Variants in ZC3H4 observed in about 807,000 individuals in gnomAD.
ZC3H4 encodes zinc finger CCCH-type containing 4, also known as zinc finger CCCH domain-containing protein 4.
Under a neutral mutation model 108.3 loss-of-function variants are expected in ZC3H4, and 13 were observed. The observed-to-expected ratio is 0.12, with a 90% CI of 0.08 to 0.19. The LOEUF (loss-of-function observed/expected upper bound fraction) is 0.19, where lower values mean the gene tolerates loss of function less well. Ranked by LOEUF, ZC3H4 falls within the 10% of genes least tolerant of loss-of-function variation. The probability of loss-of-function intolerance (pLI) is 1.00; values close to 1 mark genes in which losing one functional copy is unlikely to be tolerated. For synonymous variants in ZC3H4, 917 were observed against 749.6 expected (o/e 1.22, Z -3.65); for missense variants, 1,734 against 1,838.8 (o/e 0.94, Z 1.04).
chr19:47,093,981 G>C lies in ZC3H4; in HGVS notation c.481C>G (p.Pro161Ala). 1.9e-6 allele frequency: 3 copies of C among 1,613,312 alleles called. No homozygotes were observed. The highest frequency in any genetic ancestry group is 2.5e-6 in the Non-Finnish European group (3 of 1,179,368). ...TGCCAGTCACTCACCGGCGCATATG[G>C]GGGGCTGTACTCTCTGTACTTGCGG... ...GHRKYREYSP[P>A]YAPSHQQYPP... The change falls in exon 4 of 15, where the codon CCA becomes GCA. Residue 161 changes from proline to alanine, a missense_variant. By Grantham distance (27) the Pro-to-Ala change is conservative. Around this residue, in one of 9 missense-constraint regions of ZC3H4, gnomAD observed 403 missense variants for 457.0 expected, o/e 0.88. Coordinates refer to ENST00000253048, the MANE Select transcript of ZC3H4 (RefSeq NM_015168.2).
chr19:47,098,447 A>G (rs149718691), intron 2 of ZC3H4, among the ~76,000 whole-genome samples: 1,757 of 141,278 alleles, frequency 0.012, 42 homozygotes, highest in African/African-American at 0.044. Context: ...AGATTGTGCC[A>G]TTGCACTCCA....
intron 11 of ZC3H4, among the ~76,000 whole-genome samples, chr19:47,079,380 C>CT (rs546892078): frequency 3.2e-3 from 429 of 134,918 alleles, no homozygotes; most frequent in South Asian, 0.011. Context: ...TTTCTTTTTA[C>CT]TTTTTTTTTT....
Position 47,067,517 on chromosome 19 carries a change from C to T in ZC3H4, c.2751G>A (p.Gly917=), listed in dbSNP as rs765874365. The T allele has an allele frequency of 7.5e-6, 12 of 1,593,680 alleles. No homozygotes were observed. Among genetic ancestry groups the T allele is most frequent in the Middle Eastern group, 1.7e-4 (1 of 5,962 alleles). ...SSPVGPSSSK[G]SGPPPTEEEE... ...CCTCCTCCGTTGGGGGCGGCCCAGACCCCTTGGAACTGCTGGGGCCCACAG... is the reference window on the plus strand; with the variant it reads ...CCTCCTCCGTTGGGGGCGGCCCAGATCCCTTGGAACTGCTGGGGCCCACAG... Residue 917 remains glycine, a synonymous_variant, in exon 15 of 15, where the codon GGG becomes GGA. Transcript: ENST00000253048. The surrounding 1 kb of genome is among the most constrained non-coding windows in gnomAD (Gnocchi z 6.4).
In ZC3H4 at chr19:47,086,506, G is replaced by T; in HGVS notation, c.748C>A (p.Arg250=). The T allele has an allele frequency of 6.2e-7, 1 of 1,604,568 alleles. No individual in the cohort carries two copies. The change falls in exon 6 of 15, where the codon CGA becomes AGA. Residue 250 remains arginine, a synonymous_variant. Transcript: ENST00000253048. ...SRGRGRGYRG[R]GSRGGSRGRG... ...CCTCGCGATCCTCCACGGCTTCCTCGGCCCCTGTAGCCCCGGCCCCGGCCT... is the reference window on the plus strand; with the variant it reads ...CCTCGCGATCCTCCACGGCTTCCTCTGCCCCTGTAGCCCCGGCCCCGGCCT...
In ZC3H4 at chr19:47,084,421, T is replaced by C. The variant is rs1297810898; in HGVS notation, c.1142A>G (p.His381Arg). Residue 381 changes from histidine to arginine, a missense_variant, in exon 9 of 15, where the codon CAT (histidine) becomes CGT (arginine). Physicochemically the swap from His to Arg is conservative, Grantham distance 29 (BLOSUM62 0). Around this residue, in one of 9 missense-constraint regions of ZC3H4, gnomAD observed 403 missense variants for 457.0 expected, o/e 0.88. Coordinates refer to ENST00000253048, the MANE Select transcript of ZC3H4 (RefSeq NM_015168.2). ...GTCCGACTGCTGGTGGGGCTTGTCA[T>C]GGTCACGACTCCGGTAGCTTCCACC... is the stretch of plus-strand genomic sequence containing the variant. Reference protein sequence around the residue: ...GGGGSYRSRDHDKPHQQSDKK... With the variant: ...GGGGSYRSRDRDKPHQQSDKK... 2 of 1,614,210 alleles carry C rather than the reference T, an allele frequency of 1.2e-6. No homozygotes were observed. The highest frequency in any genetic ancestry group is 8.5e-7 in the Non-Finnish European group (1 of 1,180,042).
intron 2 of ZC3H4, among the ~76,000 whole-genome samples, chr19:47,102,652 A>G (rs2057917983): frequency 6.6e-6 from 1 of 152,024 alleles, no homozygotes; most frequent in African/African-American, 2.4e-5. Context: ...ACACAAAGAC[A>G]CAAGGCCGAT....
chr19:47,112,528 T>TGGC lies in ZC3H4; in HGVS notation c.54_56dup (p.Pro19dup), dbSNP rs765998036. 1.9e-5 allele frequency: 20 copies of TGGC among 1,066,718 alleles called. No homozygotes were observed. In the East Asian group the frequency reaches 3.9e-4, roughly 21 times the overall value. The allele number at this position is 1,066,718 out of a possible 1,614,324, so 66.1% of individuals were successfully genotyped here. On this transcript the variant is annotated inframe_insertion, in exon 2 of 15. Coordinates refer to ENST00000253048, the MANE Select transcript of ZC3H4 (RefSeq NM_015168.2). Reference sequence around the variant, plus strand: ...AAGGCGTTGATGGCGGCGGCGGCGATGGCGGCGGCGGCGACTCTGATGGCG... The same window carrying TGGC: ...AAGGCGTTGATGGCGGCGGCGGCGATGGCGGCGGCGGCGGCGACTCTGATGGCG...
intron 7 of ZC3H4, 40 bp downstream of exon 7, chr19:47,085,278 C>T (rs753985423): frequency 3.9e-6 from 6 of 1,556,172 alleles, no homozygotes; most frequent in African/African-American, 1.4e-5. Flanking sequence ...TGCTGGAATC[C>T]CTGCCCCACC....
chr19:47,067,699 T>C lies in ZC3H4; in HGVS notation c.2569A>G (p.Ser857Gly). 6.2e-7 allele frequency: 1 copy of C among 1,603,314 alleles called. No individual in the cohort carries two copies. ...CTGAGGCGAGGGTCAGCCAGCCGGC[T>C]TCCTGTGGGGTGTCCCTTCTGGAGG... ...PRLQKGHPTG[S>G]RLADPRLSRD... The change falls in exon 15 of 15, where the codon AGC becomes GGC. Residue 857 changes from serine to glycine, a missense_variant. By Grantham distance (56) the Ser-to-Gly change is moderately conservative. Transcript: ENST00000253048. The surrounding 1 kb of genome is among the most constrained non-coding windows in gnomAD (Gnocchi z 6.4).
intron 2 of ZC3H4, among the ~76,000 whole-genome samples, chr19:47,097,679 C>A (rs2057844274): frequency 6.6e-6 from 1 of 152,178 alleles, no homozygotes; most frequent in African/African-American, 2.4e-5. Flanking sequence ...AGACTGCCGG[C>A]AAAATCCGTG....
chr19:47,065,174 A>G lies in ZC3H4; in HGVS notation c.*1182T>C, dbSNP rs1181942398. The G allele has an allele frequency of 6.6e-6, 1 of 152,218 alleles. No homozygotes were observed. The highest frequency in any genetic ancestry group is 1.5e-5 in the Non-Finnish European group (1 of 68,066). 9.4% of individuals were successfully genotyped at this position (152,218 alleles called of 1,614,324 possible). On this transcript the variant is annotated 3_prime_UTR_variant, in exon 15 of 15. Coordinates refer to ENST00000253048, the MANE Select transcript of ZC3H4 (RefSeq NM_015168.2). ...GCCAGGGTGGGAGCATGGGGGGAGC[A>G]GAGGCTCCCCATCCCCTGGCTGCAG...
intron 4 of ZC3H4, 35 bp downstream of exon 4, chr19:47,093,935 G>C (rs200531590): frequency 1.3e-6 from 2 of 1,571,042 alleles, no homozygotes; most frequent in Non-Finnish European, 1.7e-6. Flanking sequence ...ACTCCTCCCG[G>C]CCCCAGAGCT....
Position 47,064,419 on chromosome 19 carries a change from T to A in ZC3H4, c.*1937A>T, listed in dbSNP as rs1240570552. 6.6e-6 allele frequency: 1 copy of A among 152,534 alleles called. No individual in the cohort carries two copies. The highest frequency in any genetic ancestry group is 1.5e-5 in the Non-Finnish European group (1 of 68,028). 9.4% of individuals were successfully genotyped at this position (152,534 alleles called of 1,614,324 possible). On this transcript the variant is annotated 3_prime_UTR_variant, in exon 15 of 15. Coordinates refer to ENST00000253048, the MANE Select transcript of ZC3H4 (RefSeq NM_015168.2). Reference sequence around the variant, plus strand: ...TGTTACAATCCTGGTTAGAGAACAATTTTTCTTTAAAAGCTCGGCCTGATG... The same window carrying A: ...TGTTACAATCCTGGTTAGAGAACAAATTTTCTTTAAAAGCTCGGCCTGATG...
intron 13 of ZC3H4, 37 bp from the exon 14 acceptor site, chr19:47,069,380 G>T: frequency 6.3e-7 from 1 of 1,594,482 alleles, no homozygotes. Flanking sequence ...ATGTCGGGAA[G>T]GGCCTCCAGG....
At chr19:47,068,305 T>C (rs1202392227) in intron 14 of ZC3H4, among the ~76,000 whole-genome samples, 1 of 152,222 alleles carries the variant, frequency 6.6e-6, no homozygotes, top group Non-Finnish European at 1.5e-5. Context: ...CAAGTCCAGC[T>C]GTGGGCACCT....
In ZC3H4 at chr19:47,094,083, G is replaced by A. The variant is rs750687948; in HGVS notation, c.382-3C>T. The A allele has an allele frequency of 1.4e-5, 22 of 1,613,700 alleles. No individual in the cohort carries two copies. Among genetic ancestry groups the A allele is most frequent in the East Asian group, 2.2e-5 (1 of 44,892 alleles). The stretch of plus-strand genomic sequence containing the variant: ...TCATCGCTAGAAGAAGCATGGCGCT[G>A]TAATGACAGGGGAAGGAGACTCAGC... On this transcript the variant is annotated splice_region_variant and splice_polypyrimidine_tract_variant and intron_variant, in intron 3 of 14. Coordinates refer to ENST00000253048, the MANE Select transcript of ZC3H4 (RefSeq NM_015168.2).
intron 11 of ZC3H4, among the ~76,000 whole-genome samples, chr19:47,077,429 T>C (rs1165116521): frequency 5.4e-5 from 8 of 148,476 alleles, no homozygotes; most frequent in East Asian, 2.0e-4. Flanking sequence ...GATCGCATCA[T>C]TGCACTCCAG....
At chr19:47,096,828 C>T (rs984046505) in intron 2 of ZC3H4, 1 of 985,446 alleles carries the variant, frequency 1.0e-6, no homozygotes, top group Non-Finnish European at 1.2e-6. Flanking sequence ...TGACAAGAAA[C>T]TTGGTCCACA....
intron 2 of ZC3H4, among the ~76,000 whole-genome samples, chr19:47,106,822 T>C (rs1465708034): frequency 6.6e-6 from 1 of 152,232 alleles, no homozygotes; most frequent in African/African-American, 2.4e-5. Context: ...AGTTACTGAA[T>C]GAACAAAACC....
Sources: gnomAD v4.1 joint callset for allele counts (sites outside exome capture counted in the v4.1 genomes callset) on GRCh38, gnomAD v4.1.1 for gene constraint, gnomAD v4.1.1 regional missense constraint, Gnocchi (gnomAD v3.1) non-coding constraint, MANE v1.5 for transcripts, NCBI Gene and HGNC (gene_info 2026-07-23, HGNC 2026-07-21) for gene names.